PPEF1: variants seen among roughly 807,000 people sequenced by gnomAD.
PPEF1 encodes protein phosphatase with EF-hand domain 1.
PPEF1 carries 12 observed loss-of-function variants against 53.3 expected under a neutral mutation model. The ratio of observed to expected loss-of-function variants is 0.23; its 90% CI spans 0.14 to 0.36. The LOEUF (loss-of-function observed/expected upper bound fraction) is 0.36. Ranked by LOEUF, PPEF1 falls within the 10% of genes least tolerant of loss-of-function variation. The probability of loss-of-function intolerance (pLI) is 1.00; values close to 1 mark genes in which losing one functional copy is unlikely to be tolerated. For synonymous variants in PPEF1, 165 were observed against 176.7 expected, an observed-to-expected ratio of 0.93 and a Z score of 0.52; for missense variants, 334 against 490.4, an observed-to-expected ratio of 0.68 and a Z score of 3.01.
chrX:18,810,076 C>G (rs933356384), intron 12 of PPEF1, among the ~76,000 whole-genome samples: 24 of 99,490 alleles, frequency 2.4e-4, no homozygotes, highest in African/African-American at 7.3e-4. Flanking sequence ...AAAAAATCCT[C>G]TGTGTGTGTG....
chrX:18,711,050 A>G (rs2044313102), intron 1 of PPEF1, among the ~76,000 whole-genome samples: 1 of 97,309 alleles, frequency 1.0e-5, no homozygotes, highest in Non-Finnish European at 2.0e-5. Flanking sequence ...ATATGTATGT[A>G]TGTGTGTGCA....
At chrX:18,791,097 A>G (rs1291925716) in intron 10 of PPEF1, among the ~76,000 whole-genome samples, 3 of 112,182 alleles carry the variant, frequency 2.7e-5, no homozygotes, top group Admixed American at 9.5e-5. Flanking sequence ...CACAATCTCT[A>G]TGTTTATCCT....
chrX:18,800,192 A>G (rs752995571), intron 10 of PPEF1, among the ~76,000 whole-genome samples: 1 of 111,825 alleles, frequency 8.9e-6, no homozygotes, highest in African/African-American at 3.2e-5. Context: ...GCCAGTGCTT[A>G]TTCTAGTTCA....
chrX:18,743,977 G>T (rs988382881), intron 3 of PPEF1, among the ~76,000 whole-genome samples: 1 of 110,287 alleles, frequency 9.1e-6, no homozygotes, highest in African/African-American at 3.3e-5. Flanking sequence ...CAACCTCCCC[G>T]CTGCCCAGGT....
At chrX:18,813,306 G>T (rs780679276) in intron 12 of PPEF1, among the ~76,000 whole-genome samples, 10 of 105,915 alleles carry the variant, frequency 9.4e-5, no homozygotes, top group South Asian at 4.4e-4. Flanking sequence ...TTGAACCCGG[G>T]AGGCGGAGGT....
intron 3 of PPEF1, among the ~76,000 whole-genome samples, chrX:18,746,756 C>T (rs5909222): frequency 0.42 from 45,881 of 110,536 alleles, 8,026 homozygotes; most frequent in Non-Finnish European, 0.57. Context: ...CTGTAGGTAT[C>T]GTGTAGCATA....
chrX:18,681,585 G>A (rs1251388173), upstream of PPEF1, among the ~76,000 whole-genome samples: 2 of 111,771 alleles, frequency 1.8e-5, no homozygotes, highest in African/African-American at 6.5e-5. Flanking sequence ...ATGATGTAGA[G>A]GCTGGCACTT....
At chrX:18,719,599 G>A (rs772337656) in intron 1 of PPEF1, among the ~76,000 whole-genome samples, 56 of 110,242 alleles carry the variant, frequency 5.1e-4, no homozygotes, top group Non-Finnish European at 8.9e-4. Context: ...TGCCCGCCTC[G>A]GCCTCCCAAA....
chrX:18,743,419 T>C (rs1012261097), intron 3 of PPEF1, among the ~76,000 whole-genome samples: 1 of 107,319 alleles, frequency 9.3e-6, no homozygotes, highest in African/African-American at 3.4e-5. Context: ...AGTTGCTCAC[T>C]TTTTTTCTTT....
Position 18,737,045 on chromosome X carries a change from A to G in PPEF1, c.235+3237A>G, listed in dbSNP as rs747199651. 9.0e-5 allele frequency among the ~76,000 whole-genome samples: 10 copies of G among 111,282 alleles called. No homozygotes were observed. In the East Asian group the frequency reaches 2.8e-3, roughly 31 times the overall value. On this transcript the variant is annotated intron_variant, in intron 3 of 15. Coordinates refer to ENST00000470157, the MANE Select transcript of PPEF1 (RefSeq NM_001377996.1). ...TTTCTTCTTTATTAGTCTTGCTAGC[A>G]GTCTATCAATTTTGTTGATCTTTTC...
At chrX:18,712,274 A>G (rs937090134) in intron 1 of PPEF1, among the ~76,000 whole-genome samples, 2 of 111,716 alleles carry the variant, frequency 1.8e-5, no homozygotes, top group Non-Finnish European at 3.8e-5. Flanking sequence ...TAACAATTAA[A>G]TAATCTGATC....
intron 6 of PPEF1, among the ~76,000 whole-genome samples, chrX:18,771,804 G>GA (rs2045874620): frequency 1.8e-5 from 2 of 111,584 alleles, no homozygotes; most frequent in African/African-American, 6.5e-5. Flanking sequence ...ATAAGCTAGA[G>GA]AAAAAAATAT....
At chrX:18,755,988 G>T (rs963714575) in intron 4 of PPEF1, among the ~76,000 whole-genome samples, 1 of 111,032 alleles carries the variant, frequency 9.0e-6, no homozygotes, top group East Asian at 2.8e-4. Context: ...TGGTTATATT[G>T]ATTTTTGTAT....
At chrX:18,753,047 G>GT (rs1033555277) in intron 4 of PPEF1, among the ~76,000 whole-genome samples, 1 of 111,500 alleles carries the variant, frequency 9.0e-6, no homozygotes, top group African/African-American at 3.3e-5. Context: ...CTTTTATTCT[G>GT]TTTTTTGGAA....
At chrX:18,755,738 A>G (rs1220772395) in intron 4 of PPEF1, among the ~76,000 whole-genome samples, 1 of 111,041 alleles carries the variant, frequency 9.0e-6, no homozygotes, top group African/African-American at 3.3e-5. Flanking sequence ...TGGCAATACT[A>G]ATTTACCTTC....
At chrX:18,788,143 C>T (rs1183725115) in intron 9 of PPEF1, among the ~76,000 whole-genome samples, 6 of 109,407 alleles carry the variant, frequency 5.5e-5, no homozygotes, top group Admixed American at 1.9e-4. Context: ...GGTGACACCC[C>T]GTCTCTTCTA....
intron 12 of PPEF1, among the ~76,000 whole-genome samples, chrX:18,810,863 A>G (rs768413991): frequency 2.7e-5 from 3 of 111,911 alleles, no homozygotes; most frequent in African/African-American, 9.7e-5. Flanking sequence ...TTGTGTGTAC[A>G]TGTTTCATTT....
At chrX:18,690,853 G>C (rs1233179979) in intron 3 of PPEF1, 1 of 112,407 alleles carries the variant, frequency 8.9e-6, no homozygotes, top group Non-Finnish European at 1.9e-5. Context: ...TCCATTGGCA[G>C]GTATTGTCAT....
chrX:18,726,722 G>A (rs1046678374), intron 1 of PPEF1, among the ~76,000 whole-genome samples: 11 of 109,145 alleles, frequency 1.0e-4, no homozygotes, highest in East Asian at 2.8e-4. Context: ...GTGCAGTGGC[G>A]GTGATCTTGG....
Sources: allele counts gnomAD v4.1 joint callset (sites outside exome capture counted in the v4.1 genomes callset), GRCh38; gene constraint gnomAD v4.1.1; transcripts MANE v1.5; gene names NCBI Gene and HGNC (gene_info 2026-07-23, HGNC 2026-07-21).